DPP10: variants seen among roughly 807,000 people sequenced by gnomAD.
The protein encoded by DPP10 is inactive dipeptidyl peptidase 10.
A neutral mutation model predicts 120.9 loss-of-function variants in DPP10; 33 were observed. The ratio of observed to expected loss-of-function variants is 0.27; its 90% CI spans 0.21 to 0.37. The LOEUF (loss-of-function observed/expected upper bound fraction) is 0.37. DPP10 is among the 10% of genes least tolerant of loss of function. The probability of loss-of-function intolerance (pLI) is 1.00; values close to 1 mark genes in which losing one functional copy is unlikely to be tolerated. For missense variants in DPP10, 816 were observed against 942.8 expected (o/e 0.87, Z 1.76); for synonymous variants, 337 against 326.1 (o/e 1.03, Z -0.36).
At chr2:115,343,713 T>A in intron 2 of DPP10, 104 bp from the exon 3 acceptor site, 1 of 660,738 alleles carries the variant, frequency 1.5e-6, no homozygotes. Context: ...TATATTGTTA[T>A]GTAGTTAATA....
chr2:114,776,350 C>T (rs368780385), intron 1 of DPP10, among the ~76,000 whole-genome samples: 4 of 152,228 alleles, frequency 2.6e-5, no homozygotes, highest in African/African-American at 9.6e-5. Context: ...TTTGAACACA[C>T]TATCTCCTCT....
chr2:114,884,823 C>T (rs555596218), intron 1 of DPP10, among the ~76,000 whole-genome samples: 3 of 152,276 alleles, frequency 2.0e-5, no homozygotes, highest in African/African-American at 7.2e-5. Context: ...GATTGGTTTT[C>T]CATTCCTGAG....
intron 1 of DPP10, among the ~76,000 whole-genome samples, chr2:115,181,886 A>G (rs1190911218): frequency 6.6e-6 from 1 of 152,230 alleles, no homozygotes; most frequent in East Asian, 1.9e-4. Flanking sequence ...TAAAAATATT[A>G]TAAGGATAAA....
At chr2:115,163,272 C>G (rs1164829351) in intron 1 of DPP10, among the ~76,000 whole-genome samples, 1 of 152,134 alleles carries the variant, frequency 6.6e-6, no homozygotes, top group Admixed American at 6.5e-5. Context: ...GCCATGCCAG[C>G]GATGCTGTTA....
intron 2 of DPP10, among the ~76,000 whole-genome samples, chr2:115,338,363 T>A (rs2063271414): frequency 6.6e-6 from 1 of 151,912 alleles, no homozygotes; most frequent in Admixed American, 6.6e-5. Context: ...TATAAAAGAG[T>A]CTGGAAAGAA....
intron 3 of DPP10, among the ~76,000 whole-genome samples, chr2:115,386,683 G>A (rs1376836893): frequency 2.6e-5 from 4 of 152,090 alleles, no homozygotes; most frequent in Non-Finnish European, 4.4e-5. Context: ...AGAGAGAGGA[G>A]GGGGGCGCTG....
In DPP10 at chr2:114,698,689, T is replaced by G. The variant is rs117448289; in HGVS notation, c.60+255851T>G. 2.1e-4 allele frequency among the ~76,000 whole-genome samples: 32 copies of G among 152,076 alleles called. 1 individual carries two copies. The East Asian group carries it at 5.5e-3, about 26-fold the overall frequency. On this transcript the variant is annotated intron_variant, in intron 1 of 25. Transcript: ENST00000410059. The stretch of plus-strand genomic sequence containing the variant: ...GGGATCTTGGAAAGCAAGTGAAAGT[T>G]TGGAGAGTTGAGAACAAGGCCCTTA...
At chr2:115,457,984 CA>C (rs1340973850) in intron 3 of DPP10, among the ~76,000 whole-genome samples, 1 of 151,990 alleles carries the variant, frequency 6.6e-6, no homozygotes, top group Non-Finnish European at 1.5e-5. Flanking sequence ...GTAAAAAGAA[CA>C]AACTCCTGTG....
chr2:115,610,373 A>G (rs2084008230), intron 5 of DPP10, among the ~76,000 whole-genome samples: 1 of 152,036 alleles, frequency 6.6e-6, no homozygotes, highest in African/African-American at 2.4e-5. Flanking sequence ...ACAGTATACT[A>G]TTAGTTACTG....
At position 115,739,728 on chromosome 2, in the gene DPP10, A is replaced by T; in HGVS notation, c.698-11A>T. On this transcript the variant is annotated splice_polypyrimidine_tract_variant and intron_variant, in intron 8 of 25. Coordinates refer to ENST00000410059, the MANE Select transcript of DPP10 (RefSeq NM_020868.6). ...CTACAGTTGGTCTCAAATAACACTC[A>T]TTTATTCTAGAGGAACTCCTGCATT... is the stretch of plus-strand genomic sequence containing the variant. 1 of 1,612,582 alleles carries T rather than the reference A, an allele frequency of 6.2e-7. No homozygotes were observed. The highest frequency in any genetic ancestry group is 8.5e-7 in the Non-Finnish European group (1 of 1,178,942).
chr2:114,580,807 T>G (rs1690440656), intron 1 of DPP10, among the ~76,000 whole-genome samples: 1 of 150,984 alleles, frequency 6.6e-6, no homozygotes, highest in African/African-American at 2.4e-5. Flanking sequence ...CTCAAGACCC[T>G]TTGATAAAAG....
At chr2:115,350,976 G>T (rs1206368903) in intron 3 of DPP10, among the ~76,000 whole-genome samples, 2 of 152,166 alleles carry the variant, frequency 1.3e-5, no homozygotes, top group East Asian at 3.9e-4. Flanking sequence ...ATTTCTCAAA[G>T]AACTTACAGC....
At chr2:114,869,034 CA>C (rs1188669138) in intron 1 of DPP10, among the ~76,000 whole-genome samples, 2 of 152,078 alleles carry the variant, frequency 1.3e-5, no homozygotes, top group African/African-American at 4.8e-5. Flanking sequence ...AGACAGCACT[CA>C]GTAAGTGAAA....
chr2:115,735,264 G>A (rs1367991043), intron 8 of DPP10, among the ~76,000 whole-genome samples: 1 of 151,988 alleles, frequency 6.6e-6, no homozygotes, highest in African/African-American at 2.4e-5. Flanking sequence ...ATTGCAGGAT[G>A]GTATTAGTCC....
intron 1 of DPP10, among the ~76,000 whole-genome samples, chr2:115,158,788 G>T (rs1573824268): frequency 1.3e-5 from 2 of 152,194 alleles, no homozygotes; most frequent in East Asian, 3.9e-4. Flanking sequence ...AATACTCTGT[G>T]AATCTTTTTT....
At chr2:115,535,938 G>T (rs1480187647) in intron 5 of DPP10, among the ~76,000 whole-genome samples, 1 of 151,884 alleles carries the variant, frequency 6.6e-6, no homozygotes, top group Non-Finnish European at 1.5e-5. Flanking sequence ...GTATAAGAAT[G>T]CTTGTGATTT....
intron 1 of DPP10, chr2:115,144,511 T>C (rs1267613097): frequency 6.6e-6 from 1 of 151,886 alleles, no homozygotes; most frequent in Admixed American, 6.6e-5. Context: ...TTGTAGTTCA[T>C]GGGTCAATCA....
chr2:115,534,103 A>AT (rs59470110), intron 5 of DPP10, among the ~76,000 whole-genome samples: 31,760 of 151,240 alleles, frequency 0.21, 4,668 homozygotes, highest in African/African-American at 0.41. Context: ...TTATTTTTTT[A>AT]TTTTTTATTT....
chr2:114,813,067 G>A (rs764030739), intron 1 of DPP10, among the ~76,000 whole-genome samples: 12 of 152,158 alleles, frequency 7.9e-5, no homozygotes, highest in East Asian at 1.9e-4. Context: ...CATACAGGAA[G>A]CTCCTCATCT....
Sources: gnomAD v4.1 joint callset for allele counts (sites outside exome capture counted in the v4.1 genomes callset) on GRCh38, gnomAD v4.1.1 for gene constraint, MANE v1.5 for transcripts, NCBI Gene and HGNC (gene_info 2026-07-23, HGNC 2026-07-21) for gene names.